COL1A2: variants seen among roughly 807,000 people sequenced by gnomAD.
COL1A2 encodes collagen alpha-2(I) chain.
COL1A2 carries 49 observed loss-of-function variants against 174.3 expected under a neutral mutation model. That is an observed-to-expected ratio of 0.28 (90% CI 0.22 to 0.36). The LOEUF (loss-of-function observed/expected upper bound fraction) is 0.36, where lower values mean the gene tolerates loss of function less well. COL1A2 is among the 10% of genes least tolerant of loss of function. The pLI is 1.00. For synonymous variants in COL1A2, 655 were observed against 606.6 expected, an observed-to-expected ratio of 1.08 and a Z score of -1.17; for missense variants, 1,438 against 1,822.7, an observed-to-expected ratio of 0.79 and a Z score of 3.84.
chr7:94,428,539 A>G (rs1200435209), intron 50 of COL1A2, 62 bp downstream of exon 50: 12 of 1,443,430 alleles, frequency 8.3e-6, no homozygotes, highest in African/African-American at 1.4e-5. Context: ...ACTGTTTGTT[A>G]ATTATCTGCA....
chr7:94,426,965 A>T, intron 46 of COL1A2, 43 bp from the exon 47 acceptor site: 2 of 1,578,032 alleles, frequency 1.3e-6, no homozygotes, highest in Non-Finnish European at 1.7e-6. Context: ...ATGTCTCTTG[A>T]CATGTGCTCT....
intron 4 of COL1A2, 188 bp from the exon 5 acceptor site, chr7:94,400,005 TATC>T (rs1210308576): frequency 1.3e-6 from 1 of 745,002 alleles, no homozygotes; most frequent in Non-Finnish European, 2.4e-6. Context: ...TACCCTGTGA[TATC>T]TTAAGAGTTA....
intron 3 of COL1A2, 21 bp downstream of exon 3, chr7:94,398,417 C>T (rs1791624066): frequency 2.2e-6 from 2 of 910,304 alleles, no homozygotes; most frequent in South Asian, 1.7e-5. Context: ...ACTACTTCTC[C>T]ATAAATATCT....
chr7:94,411,178 C>A (rs371380658), intron 23 of COL1A2, 24 bp downstream of exon 23: 23 of 1,489,128 alleles, frequency 1.5e-5, no homozygotes, highest in Middle Eastern at 2.3e-4. Flanking sequence ...TGATTCTGAG[C>A]AAATCACACC....
At chr7:94,400,074 G>A in intron 4 of COL1A2, 122 bp from the exon 5 acceptor site, 2 of 861,842 alleles carry the variant, frequency 2.3e-6, no homozygotes, top group Non-Finnish European at 4.0e-6. Flanking sequence ...GACAAATATA[G>A]TATATTAAAT....
intron 15 of COL1A2, 126 bp from the exon 16 acceptor site, chr7:94,408,644 C>A: frequency 9.3e-7 from 1 of 1,076,720 alleles, no homozygotes; most frequent in South Asian, 1.3e-5. Context: ...GACTGGTTGT[C>A]AGTTTTTTTC....
At chr7:94,428,532 G>A in intron 50 of COL1A2, 55 bp downstream of exon 50, 1 of 1,497,114 alleles carries the variant, frequency 6.7e-7, no homozygotes, top group Non-Finnish European at 9.2e-7. Context: ...TGGTAGGACT[G>A]TTTGTTAATT....
chr7:94,399,023 T>C, intron 3 of COL1A2, 26 bp from the exon 4 acceptor site: 1 of 1,610,990 alleles, frequency 6.2e-7, no homozygotes, highest in Non-Finnish European at 8.5e-7. Flanking sequence ...GCATTTATTA[T>C]TGTCCTGTTT....
intron 15 of COL1A2, 100 bp from the exon 16 acceptor site, chr7:94,408,670 A>C: frequency 2.3e-6 from 3 of 1,281,424 alleles, no homozygotes; most frequent in Non-Finnish European, 3.4e-6. Flanking sequence ...TAATATAAAC[A>C]GTGTCATGCC....
At chr7:94,422,893 G>A in intron 39 of COL1A2, 64 bp from the exon 40 acceptor site, 2 of 1,581,676 alleles carry the variant, frequency 1.3e-6, no homozygotes, top group Non-Finnish European at 1.7e-6. Flanking sequence ...TAGAATCTTT[G>A]CTGCTCTCTT....
chr7:94,396,866 G>A (rs564660128), intron 1 of COL1A2, among the ~76,000 whole-genome samples: 58 of 152,082 alleles, frequency 3.8e-4, no homozygotes, highest in East Asian at 1.4e-3. Flanking sequence ...CAATTTTTGG[G>A]GTGATTCATC....
chr7:94,416,450 G>T lies in COL1A2; in HGVS notation c.1810G>T (p.Gly604Cys). 1.3e-6 allele frequency: 2 copies of T among 1,588,002 alleles called. No individual in the cohort carries two copies. The highest frequency in any genetic ancestry group is 1.7e-6 in the Non-Finnish European group (2 of 1,166,378). ...TGAGAGTGGTGCTGCCGGTCCTACT[G>T]GTCCTATTGGAAGCCGAGGTCCTTC... is the stretch of plus-strand genomic sequence containing the variant. ...PGESGAAGPTGPIGSRGPSGP... is the reference protein window; with the variant it reads ...PGESGAAGPTCPIGSRGPSGP... The change falls in exon 31 of 52, where the codon GGT becomes TGT. Residue 604 changes from glycine (G) to cysteine (C), a missense_variant. Around this residue, in one of 3 missense-constraint regions of COL1A2, gnomAD observed 867 missense variants for 1,213.7 expected, o/e 0.71. Transcript: ENST00000297268.
chr7:94,415,720 C>T (rs897886922), intron 30 of COL1A2, among the ~76,000 whole-genome samples: 8 of 152,000 alleles, frequency 5.3e-5, no homozygotes, highest in Non-Finnish European at 7.4e-5. Flanking sequence ...GATTAATTTG[C>T]CCTGAAAGTA....
chr7:94,412,942 C>A, intron 25 of COL1A2, 141 bp from the exon 26 acceptor site: 1 of 854,112 alleles, frequency 1.2e-6, no homozygotes, highest in Non-Finnish European at 2.0e-6. Context: ...GATGGATCAT[C>A]CTTAGATAAC....
At chr7:94,405,828 C>A (rs974871993) in intron 11 of COL1A2, 102 bp downstream of exon 11, 2 of 986,174 alleles carry the variant, frequency 2.0e-6, no homozygotes, top group Non-Finnish European at 3.3e-6. Flanking sequence ...ACTTTCAAAT[C>A]CCTGGAGTTT....
chr7:94,403,490 A>G (rs1463983869), intron 6 of COL1A2, among the ~76,000 whole-genome samples: 1 of 152,212 alleles, frequency 6.6e-6, no homozygotes, highest in Non-Finnish European at 1.5e-5. Flanking sequence ...AAAAATAAAT[A>G]TAATTAGAAA....
rs764104929 is a variant in COL1A2 at position 94,427,608 on chromosome 7, C to T, written c.3268-19C>T. 1.2e-6 allele frequency: 2 copies of T among 1,613,944 alleles called. No homozygotes were observed. Among genetic ancestry groups the T allele is most frequent in the East Asian group, 2.2e-5 (1 of 44,870 alleles). ...TAACAAAATATAAAGCCTCTCCTAT[C>T]TCACTTTCACCTTTGCAGGGCCCCC... On this transcript the variant is annotated intron_variant, in intron 48 of 51. Coordinates refer to ENST00000297268, the MANE Select transcript of COL1A2 (RefSeq NM_000089.4).
intron 29 of COL1A2, 125 bp from the exon 30 acceptor site, chr7:94,415,101 C>T: frequency 3.6e-6 from 3 of 825,492 alleles, no homozygotes; most frequent in Non-Finnish European, 4.3e-6. Context: ...AGCCTGTGTA[C>T]TTATGCACTC....
intron 23 of COL1A2, among the ~76,000 whole-genome samples, chr7:94,411,661 G>A (rs1057300265): frequency 6.6e-6 from 1 of 152,100 alleles, no homozygotes; most frequent in Non-Finnish European, 1.5e-5. Flanking sequence ...GCCTCTTATG[G>A]GTGAATATCA....
Sources: allele counts gnomAD v4.1 joint callset (sites outside exome capture counted in the v4.1 genomes callset), GRCh38; gene constraint gnomAD v4.1.1; regional missense constraint gnomAD v4.1.1; transcripts MANE v1.5; gene names NCBI Gene and HGNC (gene_info 2026-07-23, HGNC 2026-07-21).